SPOCK3: variants seen among roughly 807,000 people sequenced by gnomAD.
SPOCK3 encodes the protein SPARC (osteonectin), cwcv and kazal like domains proteoglycan 3.
SPOCK3 carries 30 observed loss-of-function variants against 56.6 expected under a neutral mutation model. The observed-to-expected ratio is 0.53, with a 90% CI of 0.40 to 0.72. SPOCK3 has a LOEUF of 0.72. SPOCK3 is among the 30% of genes least tolerant of loss of function. The pLI is 0.00. For synonymous variants in SPOCK3, 196 were observed against 183.3 expected, an observed-to-expected ratio of 1.07 and a Z score of -0.56; for missense variants, 527 against 530.0, an observed-to-expected ratio of 0.99 and a Z score of 0.06.
intron 3 of SPOCK3, among the ~76,000 whole-genome samples, chr4:167,003,583 T>TA (rs1353035779): frequency 3.3e-5 from 5 of 152,208 alleles, no homozygotes; most frequent in Admixed American, 2.0e-4. Context: ...CCCTCTGTTG[T>TA]GTTCTTCTTT....
intron 2 of SPOCK3, among the ~76,000 whole-genome samples, chr4:167,072,832 T>C (rs1370172480): frequency 1.3e-5 from 2 of 151,834 alleles, no homozygotes; most frequent in Admixed American, 6.6e-5. Flanking sequence ...TAGAAAAAAT[T>C]TTAGACACAG....
At chr4:167,036,081 A>G (rs1481735386) in intron 3 of SPOCK3, among the ~76,000 whole-genome samples, 1 of 152,226 alleles carries the variant, frequency 6.6e-6, no homozygotes, top group Non-Finnish European at 1.5e-5. Flanking sequence ...ATGAAAGACC[A>G]TTTAATCTAT....
intron 2 of SPOCK3, among the ~76,000 whole-genome samples, chr4:167,131,043 T>C (rs977188316): frequency 1.3e-5 from 2 of 152,166 alleles, no homozygotes; most frequent in African/African-American, 4.8e-5. Flanking sequence ...GACCTGATAT[T>C]CTAAATGTAT....
At chr4:167,017,991 A>C (rs1750802160) in intron 3 of SPOCK3, among the ~76,000 whole-genome samples, 1 of 152,054 alleles carries the variant, frequency 6.6e-6, no homozygotes, top group South Asian at 2.1e-4. Context: ...CTTTCTCACG[A>C]AGGGACTTAT....
chr4:166,984,597 T>C (rs555288971), intron 4 of SPOCK3, among the ~76,000 whole-genome samples: 5 of 152,162 alleles, frequency 3.3e-5, no homozygotes, highest in South Asian at 2.1e-4. Context: ...GATTTCTCTA[T>C]ATATGAGGGA....
chr4:166,772,511 A>G (rs1299975190), intron 7 of SPOCK3, among the ~76,000 whole-genome samples: 1 of 152,172 alleles, frequency 6.6e-6, no homozygotes, highest in Non-Finnish European at 1.5e-5. Context: ...ATTATCTAAT[A>G]GCCATCTAAT....
In SPOCK3 at chr4:167,157,162, A is replaced by T. The variant is rs566294413; in HGVS notation, c.189+76823T>A. On this transcript the variant is annotated intron_variant, in intron 2 of 10. Coordinates refer to ENST00000357545, the MANE Select transcript of SPOCK3 (RefSeq NM_001040159.2). ...GAAACAGATTATGAATTAAAAAAAT[A>T]GTAGAAGAAGAAAGCGGGAGAAAAT... 2.6e-5 allele frequency among the ~76,000 whole-genome samples: 4 copies of T among 152,206 alleles called. No individual in the cohort carries two copies. The South Asian group carries it at 8.3e-4, about 32-fold the overall frequency.
At chr4:167,199,727 T>C (rs1056616982) in intron 2 of SPOCK3, among the ~76,000 whole-genome samples, 13 of 133,742 alleles carry the variant, frequency 9.7e-5, no homozygotes, top group Non-Finnish European at 4.9e-5. Context: ...ATAATAATAA[T>C]AATAATAATA....
intron 6 of SPOCK3, among the ~76,000 whole-genome samples, chr4:166,823,679 T>A (rs192437577): frequency 1.3e-5 from 2 of 152,102 alleles, no homozygotes; most frequent in African/African-American, 4.8e-5. Context: ...TTTGTGAATA[T>A]GCATTGCATC....
chr4:167,104,233 C>A (rs573926853), intron 2 of SPOCK3, among the ~76,000 whole-genome samples: 1 of 152,168 alleles, frequency 6.6e-6, no homozygotes, highest in South Asian at 2.1e-4. Context: ...ACAAAACGAA[C>A]TAAATAAGGC....
At position 167,029,911 on chromosome 4, in the gene SPOCK3, C is replaced by T. The variant is rs376626243; in HGVS notation, c.236-29448G>A. 4.0e-5 allele frequency among the ~76,000 whole-genome samples: 6 copies of T among 151,836 alleles called. No homozygotes were observed. The South Asian group carries it at 6.2e-4, about 16-fold the overall frequency. ...TTAGAATGATGTTGAGTTAATCATC[C>T]TTCTATTATTCAAAATGTATTCTTT... is the stretch of plus-strand genomic sequence containing the variant. On this transcript the variant is annotated intron_variant, in intron 3 of 10. Transcript: ENST00000357545.
intron 2 of SPOCK3, among the ~76,000 whole-genome samples, chr4:167,114,752 A>T (rs1026671760): frequency 6.6e-6 from 1 of 152,112 alleles, no homozygotes; most frequent in African/African-American, 2.4e-5. Context: ...TCTTTTGGGT[A>T]CTAAAACTCA....
At chr4:167,089,500 A>G (rs1426703376) in intron 2 of SPOCK3, among the ~76,000 whole-genome samples, 2 of 152,160 alleles carry the variant, frequency 1.3e-5, no homozygotes, top group African/African-American at 4.8e-5. Context: ...GAAAATTTAT[A>G]TGGCTTTTAT....
intron 2 of SPOCK3, among the ~76,000 whole-genome samples, chr4:167,133,536 G>C (rs1247768163): frequency 2.0e-5 from 3 of 152,214 alleles, no homozygotes; most frequent in Admixed American, 6.6e-5. Flanking sequence ...TCCAGTAGTA[G>C]ATGTCTTACA....
intron 6 of SPOCK3, among the ~76,000 whole-genome samples, chr4:166,807,308 T>TAAAA (rs372411472): frequency 1.5e-4 from 19 of 129,856 alleles, no homozygotes; most frequent in Non-Finnish European, 2.2e-4. Context: ...GCATAAAGCC[T>TAAAA]AAAAAAAAAA....
At chr4:166,813,956 A>G (rs1213594455) in intron 6 of SPOCK3, among the ~76,000 whole-genome samples, 1 of 152,120 alleles carries the variant, frequency 6.6e-6, no homozygotes, top group Non-Finnish European at 1.5e-5. Flanking sequence ...TGAAGCACAA[A>G]AAAACATCAA....
intron 4 of SPOCK3, among the ~76,000 whole-genome samples, chr4:166,922,895 G>C (rs577492432): frequency 6.6e-6 from 1 of 152,084 alleles, no homozygotes; most frequent in Admixed American, 6.6e-5. Context: ...TTTTCCTTTC[G>C]TTAGATCACA....
At position 166,893,047 on chromosome 4, in the gene SPOCK3, C is replaced by A. The variant is rs1040223586; in HGVS notation, c.475-3803G>T. On this transcript the variant is annotated intron_variant, in intron 5 of 10. Coordinates refer to ENST00000357545, the MANE Select transcript of SPOCK3 (RefSeq NM_001040159.2). ...CAAATGTCAAAATTGACATTTGAGA[C>A]AATTTTGTTTGTCACAACTGGAGGC... is the stretch of plus-strand genomic sequence containing the variant. 8.6e-5 allele frequency among the ~76,000 whole-genome samples: 13 copies of A among 151,954 alleles called. 1 individual carries two copies. Among genetic ancestry groups the A allele is most frequent in the South Asian group, 4.1e-4 (2 of 4,830 alleles).
chr4:166,804,149 G>A (rs1028285663), intron 6 of SPOCK3, among the ~76,000 whole-genome samples: 3 of 152,126 alleles, frequency 2.0e-5, no homozygotes, highest in Non-Finnish European at 2.9e-5. Context: ...TTCTTAGTAA[G>A]TATAAGCTTT....
Sources: allele counts gnomAD v4.1 joint callset (sites outside exome capture counted in the v4.1 genomes callset), GRCh38; gene constraint gnomAD v4.1.1; transcripts MANE v1.5; gene names NCBI Gene and HGNC (gene_info 2026-07-23, HGNC 2026-07-21).